ZNF467: variants seen among roughly 807,000 people sequenced by gnomAD.
The protein encoded by ZNF467 is zinc finger protein EZI.
ZNF467 carries 51 observed loss-of-function variants against 47.8 expected under a neutral mutation model. The observed-to-expected ratio is 1.07, with a 90% CI of 0.85 to 1.35. The LOEUF is 1.35. Ranked by LOEUF, ZNF467 falls within the 40% of genes most tolerant of loss-of-function variation. ZNF467 has a pLI of 0.00. For missense variants in ZNF467, 992 were observed against 858.1 expected (o/e 1.16, Z -1.95); for synonymous variants, 416 against 372.9 (o/e 1.12, Z -1.33).
At chr7:149,774,886 T>C (rs1317560583), upstream of ZNF467, among the ~76,000 whole-genome samples, 1 of 152,046 alleles carries the variant, frequency 6.6e-6, no homozygotes, top group Non-Finnish European at 1.5e-5. The surrounding 1 kb of genome is among the most constrained non-coding windows in gnomAD (Gnocchi z 5.7). Context: ...CAGCTCTGGT[T>C]AACAGCAGCC....
At position 149,765,505 on chromosome 7, in the gene ZNF467, C is replaced by T. The variant is rs61743447; in HGVS notation, c.997G>A (p.Asp333Asn). 3 of 1,581,736 alleles carry T rather than the reference C, an allele frequency of 1.9e-6. No homozygotes were observed. Among genetic ancestry groups the T allele is most frequent in the African/African-American group, 1.3e-5 (1 of 74,606 alleles). The part of the protein sequence containing the change: ...QTAGPARPSP[D>N]SSASPHSTAP... Reference sequence around the variant, plus strand: ...GTGGAATGAGGAGAAGCGGACGAGTCGGGAGAGGGCCTGGCCGGGCCGGCC... The same window carrying T: ...GTGGAATGAGGAGAAGCGGACGAGTTGGGAGAGGGCCTGGCCGGGCCGGCC... The change falls in exon 5 of 5, where the codon GAC becomes AAC. Residue 333 changes from aspartate to asparagine, a missense_variant. Transcript: ENST00000302017.
chr7:149,768,840 G>T (rs1799299260), intron 4 of ZNF467, among the ~76,000 whole-genome samples: 2 of 152,258 alleles, frequency 1.3e-5, no homozygotes, highest in African/African-American at 4.8e-5. Flanking sequence ...GAAGGCATTT[G>T]AGGGGAGGCT....
rs769665235 is a variant in ZNF467, at chr7:149,765,003, G to A, written c.1499C>T (p.Ser500Leu). ...AQCGRRFSRK[S>L]HLGRHQAVHT... Reference sequence around the variant, plus strand: ...CACCGCCTGGTGGCGGCCCAGGTGCGACTTGCGGCTGAAGCGGCGGCCGCA... The same window carrying A: ...CACCGCCTGGTGGCGGCCCAGGTGCAACTTGCGGCTGAAGCGGCGGCCGCA... Residue 500 changes from serine to leucine, a missense_variant, in exon 5 of 5, where the codon TCG becomes TTG. Physicochemically the swap from Ser to Leu is moderately radical, Grantham distance 145. Transcript: ENST00000302017. 3.1e-6 allele frequency: 5 copies of A among 1,588,300 alleles called. No individual in the cohort carries two copies. Among genetic ancestry groups the A allele is most frequent in the East Asian group, 2.3e-5 (1 of 44,290 alleles).
At chr7:149,775,315 C>T (rs1027808596), upstream of ZNF467, among the ~76,000 whole-genome samples, 2 of 152,166 alleles carry the variant, frequency 1.3e-5, no homozygotes, top group African/African-American at 2.4e-5. Context: ...ATGTTGCCCA[C>T]GCATCTCCAC....
At chr7:149,776,431 G>A (rs757239577), upstream of ZNF467, 6 of 1,354,490 alleles carry the variant, frequency 4.4e-6, no homozygotes, top group African/African-American at 4.4e-5. Context: ...TGCCAGCCTC[G>A]ACCATTACAG....
chr7:149,764,815 G>C lies in ZNF467; in HGVS notation c.1687C>G (p.Leu563Val), dbSNP rs777903823. 1.5e-5 allele frequency: 23 copies of C among 1,535,016 alleles called. No homozygotes were observed. The South Asian group carries it at 2.8e-4, about 18-fold the overall frequency. Residue 563 changes from leucine to valine, a missense_variant, in exon 5 of 5, where the codon CTC (leucine) becomes GTC (valine). Transcript: ENST00000302017. ...GCGTGGGCGGCTTCGCCGTGAATGAGCTGGTGCCGCACCAGGTGGGTCTTG... is the reference window on the plus strand; with the variant it reads ...GCGTGGGCGGCTTCGCCGTGAATGACCTGGTGCCGCACCAGGTGGGTCTTG... ...SRKTHLVRHQ[L>V]IHGEAAHAAP... is the part of the protein sequence containing the mutation.
In ZNF467 at chr7:149,769,721, C is replaced by T. The variant is rs530572471; in HGVS notation, c.152-521G>A. ...TTTTCTTTTTTTAGAGAAAGGTCCT[C>T]TCTGTCACCCAGGCTGGAGTGCAGT... On this transcript the variant is annotated intron_variant, in intron 3 of 4. Coordinates refer to ENST00000302017, the MANE Select transcript of ZNF467 (RefSeq NM_207336.3). This position sits in a 1 kb window ranked among gnomAD's most constrained non-coding sequence, Gnocchi z 5.3. Among the ~76,000 whole-genome samples the T allele has an allele frequency of 6.2e-4, 94 of 152,330 alleles. No individual in the cohort carries two copies. The highest frequency in any genetic ancestry group is 3.4e-3 in the Middle Eastern group (1 of 294).
At position 149,770,529 on chromosome 7, in the gene ZNF467, G is replaced by T; in HGVS notation, c.62C>A (p.Ala21Asp). Residue 21 changes from alanine (A) to aspartate (D), a missense_variant, in exon 3 of 5, where the codon GCC becomes GAC. Transcript: ENST00000302017. ...TCCTTCCCTGGGCTCACTTTGGGGGGCCATCTCTGGCTGTCCCACAGAGAA... is the reference window on the plus strand; with the variant it reads ...TCCTTCCCTGGGCTCACTTTGGGGGTCCATCTCTGGCTGTCCCACAGAGAA... ...LGFSVGQPEM[A>D]PQSEPREGSH... 1 of 1,613,434 alleles carries T rather than the reference G, an allele frequency of 6.2e-7. No individual in the cohort carries two copies. Among genetic ancestry groups the T allele is most frequent in the Non-Finnish European group, 8.5e-7 (1 of 1,179,676 alleles).
In ZNF467 at chr7:149,764,605, C is replaced by G. The variant is rs531754070; in HGVS notation, c.*109G>C. 3.9e-6 allele frequency: 6 copies of G among 1,539,096 alleles called. No homozygotes were observed. Among genetic ancestry groups the G allele is most frequent in the Non-Finnish European group, 5.3e-6 (6 of 1,138,832 alleles). On this transcript the variant is annotated 3_prime_UTR_variant, in exon 5 of 5. Coordinates refer to ENST00000302017, the MANE Select transcript of ZNF467 (RefSeq NM_207336.3). Reference sequence around the variant, plus strand: ...CGGGAAGGAAACAGGTGTCCCGCGGCGGCCAAACCTTCGGGCAGCAGCCCA... The same window carrying G: ...CGGGAAGGAAACAGGTGTCCCGCGGGGGCCAAACCTTCGGGCAGCAGCCCA...
upstream of ZNF467, among the ~76,000 whole-genome samples, chr7:149,774,628 G>A (rs1227127156): frequency 1.3e-5 from 2 of 152,188 alleles, no homozygotes; most frequent in Non-Finnish European, 2.9e-5. This position sits in a 1 kb window ranked among gnomAD's most constrained non-coding sequence, Gnocchi z 5.7. Flanking sequence ...GGGAGCACCT[G>A]GAGTAGCATG....
At chr7:149,772,011 G>A (rs1301241877) in intron 1 of ZNF467, among the ~76,000 whole-genome samples, 1 of 102,110 alleles carries the variant, frequency 9.8e-6, no homozygotes, top group South Asian at 3.2e-4. Context: ...CTACCCTCCC[G>A]GTTCTCCCCC....
chr7:149,776,526 C>T (rs1230321118), upstream of ZNF467: 2 of 1,305,014 alleles, frequency 1.5e-6, no homozygotes, highest in Non-Finnish European at 2.0e-6. Flanking sequence ...GTCCTATCTA[C>T]AAGTGAGTAA....
chr7:149,770,638 A>G, intron 2 of ZNF467, 82 bp from the exon 3 acceptor site: 1 of 1,236,966 alleles, frequency 8.1e-7, no homozygotes, highest in Admixed American at 2.1e-5. Context: ...TCCCCTTCCC[A>G]GCCTGCCCAA....
chr7:149,765,278 G>T lies in ZNF467; in HGVS notation c.1224C>A (p.Gly408=). The T allele has an allele frequency of 6.8e-7, 1 of 1,461,192 alleles. No homozygotes were observed. The highest frequency in any genetic ancestry group is 9.0e-7 in the Non-Finnish European group (1 of 1,106,238). The allele number at this position is 1,461,192 out of a possible 1,614,324, so 90.5% of individuals were successfully genotyped here. A position where few individuals can be genotyped will look rare whatever the true frequency, so the allele number is the denominator to read the frequency against. Residue 408 remains glycine (G), a synonymous_variant, in exon 5 of 5, where the codon GGC becomes GGA. Transcript: ENST00000302017. ...CGGATCCTGGGCCGCAGCCCGGTCCGCCAGGCGCGCTGGCCAGGGGCTTGG... is the reference window on the plus strand; with the variant it reads ...CGGATCCTGGGCCGCAGCCCGGTCCTCCAGGCGCGCTGGCCAGGGGCTTGG... ...PAAKPLASAP[G]GPGCGPGSDP...
At position 149,766,021 on chromosome 7, in the gene ZNF467, C is replaced by G. The variant is rs183812145; in HGVS notation, c.481G>C (p.Gly161Arg). Residue 161 changes from glycine to arginine, a missense_variant, in exon 5 of 5, where the codon GGC becomes CGC. Transcript: ENST00000302017. Reference sequence around the variant, plus strand: ...AAGCGCCGCTCACACTCCCCGCAGCCGTAGGGCTTCTCCGGCATCGGACCC... The same window carrying G: ...AAGCGCCGCTCACACTCCCCGCAGCGGTAGGGCTTCTCCGGCATCGGACCC... ...GWGPMPEKPYGCGECERRFRD... is the reference protein window; with the variant it reads ...GWGPMPEKPYRCGECERRFRD... The G allele has an allele frequency of 1.1e-5, 18 of 1,580,866 alleles. No individual in the cohort carries two copies. The highest frequency in any genetic ancestry group is 1.5e-5 in the Non-Finnish European group (17 of 1,163,380).
chr7:149,764,812 T>A lies in ZNF467; in HGVS notation c.1690A>T (p.Ile564Phe). ...RKTHLVRHQL[I>F]HGEAAHAAPD... ...GCCGCGTGGGCGGCTTCGCCGTGAA[T>A]GAGCTGGTGCCGCACCAGGTGGGTC... The change falls in exon 5 of 5, where the codon ATT becomes TTT. Residue 564 changes from isoleucine (I) to phenylalanine (F), a missense_variant. Coordinates refer to ENST00000302017, the MANE Select transcript of ZNF467 (RefSeq NM_207336.3). 1.3e-6 allele frequency: 2 copies of A among 1,532,338 alleles called. No homozygotes were observed. The highest frequency in any genetic ancestry group is 1.8e-6 in the Non-Finnish European group (2 of 1,140,814). 94.9% of individuals were successfully genotyped at this position (1,532,338 alleles called of 1,614,324 possible). A position where few individuals can be genotyped will look rare whatever the true frequency, so the allele number is the denominator to read the frequency against.
intron 4 of ZNF467, among the ~76,000 whole-genome samples, chr7:149,767,075 G>C (rs931855813): frequency 1.3e-5 from 2 of 152,244 alleles, no homozygotes; most frequent in Admixed American, 6.5e-5. Flanking sequence ...CCTAGAGGAA[G>C]GAGCCCGGGG....
At chr7:149,771,150 T>C (rs1174908935) in intron 1 of ZNF467, 76 bp from the exon 2 acceptor site, 144 of 1,225,888 alleles carry the variant, frequency 1.2e-4, no homozygotes, top group Non-Finnish European at 9.5e-6. Flanking sequence ...GCCCAACCTC[T>C]CCCTATGGGC....
In ZNF467 at chr7:149,765,941, G is replaced by C. The variant is rs1160202718; in HGVS notation, c.561C>G (p.Pro187=). 6.4e-7 allele frequency: 1 copy of C among 1,553,090 alleles called. No homozygotes were observed. The highest frequency in any genetic ancestry group is 1.2e-5 in the South Asian group (1 of 85,262). The change falls in exon 5 of 5, where the codon CCC becomes CCG. Residue 187 remains proline (P), a synonymous_variant. Coordinates refer to ENST00000302017, the MANE Select transcript of ZNF467 (RefSeq NM_207336.3). The part of the protein sequence containing the change: ...LHQRLHRGEG[P]CACPDCGRSF... ...TGCGGCCGCAGTCCGGGCAGGCGCA[G>C]GGGCCCTCGCCCCGGTGCAGCCGCT...
Sources: allele counts gnomAD v4.1 joint callset (sites outside exome capture counted in the v4.1 genomes callset), GRCh38; gene constraint gnomAD v4.1.1; non-coding constraint Gnocchi (gnomAD v3.1); transcripts MANE v1.5; gene names NCBI Gene and HGNC (gene_info 2026-07-23, HGNC 2026-07-21).